KLHL29: variants seen among roughly 807,000 people sequenced by gnomAD.
KLHL29 encodes the protein kelch-like protein 29.
Under a neutral mutation model 80.4 loss-of-function variants are expected in KLHL29, and 21 were observed. The observed-to-expected ratio is 0.26, with a 90% CI of 0.19 to 0.38. The LOEUF is 0.38. Among genes scored for constraint, KLHL29 ranks in the 10% least tolerant of loss-of-function variants. The pLI, the probability that KLHL29 is intolerant of heterozygous loss-of-function variation, is 1.00. For missense variants in KLHL29, 867 were observed against 1,223.9 expected (o/e 0.71, Z 4.35); for synonymous variants, 511 against 526.8 (o/e 0.97, Z 0.41).
At chr2:23,476,934 A>T (rs1224872161) in intron 2 of KLHL29, among the ~76,000 whole-genome samples, 4 of 152,232 alleles carry the variant, frequency 2.6e-5, no homozygotes, top group Non-Finnish European at 5.9e-5. Context: ...GGAGGCCTGG[A>T]GCTGGAGTTG....
At chr2:23,599,978 G>T (rs1244816639) in intron 3 of KLHL29, among the ~76,000 whole-genome samples, 1 of 152,162 alleles carries the variant, frequency 6.6e-6, no homozygotes, top group Non-Finnish European at 1.5e-5. Flanking sequence ...ATTCTGCAGG[G>T]TGTGCATACA....
intron 2 of KLHL29, among the ~76,000 whole-genome samples, chr2:23,496,152 C>T (rs1379756792): frequency 6.6e-6 from 1 of 152,190 alleles, no homozygotes; most frequent in Non-Finnish European, 1.5e-5. Context: ...AAAGAGGACT[C>T]CGGCTTACCC....
At chr2:23,525,128 T>G (rs1163189332) in intron 2 of KLHL29, among the ~76,000 whole-genome samples, 1 of 152,218 alleles carries the variant, frequency 6.6e-6, no homozygotes, top group Admixed American at 6.5e-5. Flanking sequence ...GCCAAATGCC[T>G]GACTTCAAGG....
chr2:23,473,482 G>A (rs1264938429), intron 1 of KLHL29, among the ~76,000 whole-genome samples: 4 of 152,054 alleles, frequency 2.6e-5, no homozygotes, highest in Non-Finnish European at 5.9e-5. Context: ...CTGTGCATGT[G>A]GTTTATTTTT....
intron 2 of KLHL29, among the ~76,000 whole-genome samples, chr2:23,529,559 C>T (rs371236980): frequency 6.6e-6 from 1 of 152,174 alleles, no homozygotes; most frequent in Non-Finnish European, 1.5e-5. Flanking sequence ...CCCTTCCCCC[C>T]ACCTCAGCCC....
intron 2 of KLHL29, among the ~76,000 whole-genome samples, chr2:23,519,267 G>A (rs1261075188): frequency 6.6e-6 from 1 of 152,132 alleles, no homozygotes; most frequent in African/African-American, 2.4e-5. Flanking sequence ...CTTCCAGCCA[G>A]ATCCAGCTCC....
At chr2:23,510,707 A>G (rs1468774832) in intron 2 of KLHL29, among the ~76,000 whole-genome samples, 1 of 152,194 alleles carries the variant, frequency 6.6e-6, no homozygotes, top group Non-Finnish European at 1.5e-5. Flanking sequence ...AAGAGGTTAG[A>G]GCTCCAGAGG....
intron 3 of KLHL29, among the ~76,000 whole-genome samples, chr2:23,598,412 A>T (rs1200535510): frequency 6.6e-6 from 1 of 152,216 alleles, no homozygotes; most frequent in African/African-American, 2.4e-5. Context: ...GAAAATTCAG[A>T]TGATATTCAT....
intron 2 of KLHL29, among the ~76,000 whole-genome samples, chr2:23,516,541 A>T (rs781372650): frequency 6.6e-6 from 1 of 152,090 alleles, no homozygotes; most frequent in African/African-American, 2.4e-5. Flanking sequence ...CTTTTGTGCC[A>T]TGGCGCAGCA....
rs35002083 is a variant in KLHL29 at position 23,633,756 on chromosome 2, C to CTGTGTGTGTGTGTGTGTGTGTGTGT, written c.286-5383_286-5382insTGTGTGTGTGTGTGTGTGTGTGTGT. Reference sequence around the variant, plus strand: ...TCTCTGTCAAAAGAGTCACAGCACTCGTGTGTGTGTGTGTGTGTGTGTGTG... The same window carrying CTGTGTGTGTGTGTGTGTGTGTGTGT: ...TCTCTGTCAAAAGAGTCACAGCACTCTGTGTGTGTGTGTGTGTGTGTGTGTGTGTGTGTGTGTGTGTGTGTGTGTG... On this transcript the variant is annotated intron_variant, in intron 3 of 13. Transcript: ENST00000486442. 5.7e-3 allele frequency among the ~76,000 whole-genome samples: 834 copies of CTGTGTGTGTGTGTGTGTGTGTGTGT among 147,198 alleles called. 9 individuals are homozygous for CTGTGTGTGTGTGTGTGTGTGTGTGT. Among genetic ancestry groups the CTGTGTGTGTGTGTGTGTGTGTGTGT allele is most frequent in the Non-Finnish European group, 7.3e-3 (491 of 67,144 alleles).
intron 1 of KLHL29, among the ~76,000 whole-genome samples, chr2:23,410,995 C>T (rs1278293826): frequency 1.3e-5 from 2 of 152,144 alleles, no homozygotes; most frequent in Non-Finnish European, 2.9e-5. Context: ...AACAATGAGC[C>T]TTCAAATACC....
At chr2:23,639,084 T>C in intron 3 of KLHL29, 55 bp from the exon 4 acceptor site, 1 of 1,470,070 alleles carries the variant, frequency 6.8e-7, no homozygotes, top group Non-Finnish European at 9.0e-7. Flanking sequence ...GGAGTCTTGT[T>C]CTGGAGGCTG....
intron 2 of KLHL29, among the ~76,000 whole-genome samples, chr2:23,483,764 C>T (rs1664858871): frequency 6.6e-6 from 1 of 152,150 alleles, no homozygotes; most frequent in South Asian, 2.1e-4. Context: ...CCAGAGAGGT[C>T]TAGTATCTTG....
At chr2:23,565,549 C>T (rs1667569564) in intron 3 of KLHL29, among the ~76,000 whole-genome samples, 3 of 152,256 alleles carry the variant, frequency 2.0e-5, no homozygotes, top group Admixed American at 6.5e-5. Context: ...GGCTCCAGAC[C>T]GAGACTGGTA....
At chr2:23,411,157 T>C (rs995458320) in intron 1 of KLHL29, among the ~76,000 whole-genome samples, 4 of 152,130 alleles carry the variant, frequency 2.6e-5, no homozygotes, top group Admixed American at 1.3e-4. Flanking sequence ...ATATGACAAA[T>C]GTTGAAATAT....
At chr2:23,395,910 T>G (rs1447647043) in intron 1 of KLHL29, among the ~76,000 whole-genome samples, 1 of 152,222 alleles carries the variant, frequency 6.6e-6, no homozygotes, top group Non-Finnish European at 1.5e-5. Flanking sequence ...GAGTGTGAGC[T>G]AATCATGCAA....
At chr2:23,556,232 C>A (rs1289670255) in intron 2 of KLHL29, among the ~76,000 whole-genome samples, 2 of 152,178 alleles carry the variant, frequency 1.3e-5, no homozygotes, top group Admixed American at 1.3e-4. Context: ...AGACTTGAAT[C>A]TGGGCTCAGA....
chr2:23,654,135 C>G (rs563941323), intron 5 of KLHL29, among the ~76,000 whole-genome samples: 1 of 152,096 alleles, frequency 6.6e-6, no homozygotes, highest in Non-Finnish European at 1.5e-5. Context: ...CCACTGCACT[C>G]TGGCCTGGGT....
chr2:23,409,812 A>C (rs1290254032), intron 1 of KLHL29, among the ~76,000 whole-genome samples: 1 of 152,244 alleles, frequency 6.6e-6, no homozygotes, highest in South Asian at 2.1e-4. Flanking sequence ...AATAAACACT[A>C]TGAAGGAAGA....
Sources: gnomAD v4.1 joint callset for allele counts (sites outside exome capture counted in the v4.1 genomes callset) on GRCh38, gnomAD v4.1.1 for gene constraint, MANE v1.5 for transcripts, NCBI Gene and HGNC (gene_info 2026-07-23, HGNC 2026-07-21) for gene names.